BBS9: variants seen among roughly 807,000 people sequenced by gnomAD.
BBS9 encodes the protein protein PTHB1.
Under a neutral mutation model 117.7 loss-of-function variants are expected in BBS9, and 89 were observed. That is an observed-to-expected ratio of 0.76 (90% confidence interval 0.64 to 0.90). BBS9 has a LOEUF of 0.90. BBS9 is among the 40% of genes least tolerant of loss of function. The pLI is 0.00. For synonymous variants in BBS9, 379 were observed against 370.9 expected (o/e 1.02, Z -0.25); for missense variants, 982 against 1,042.2 (o/e 0.94, Z 0.80).
At chr7:33,193,909 A>G (rs1784551395) in intron 5 of BBS9, among the ~76,000 whole-genome samples, 1 of 152,134 alleles carries the variant, frequency 6.6e-6, no homozygotes, top group African/African-American at 2.4e-5. Flanking sequence ...GTATTTCATT[A>G]GAAGCTGTTT....
intron 21 of BBS9, among the ~76,000 whole-genome samples, chr7:33,602,397 G>C (rs920166174): frequency 1.3e-5 from 2 of 152,174 alleles, no homozygotes; most frequent in Admixed American, 1.3e-4. Context: ...CACTCTGGGT[G>C]TGCTGTTGGG....
chr7:33,389,831 T>C (rs1826743484), intron 19 of BBS9, among the ~76,000 whole-genome samples: 1 of 152,076 alleles, frequency 6.6e-6, no homozygotes, highest in Non-Finnish European at 1.5e-5. Context: ...GCTTATTAGA[T>C]GTATGGTTTT....
intron 19 of BBS9, among the ~76,000 whole-genome samples, chr7:33,438,712 G>C (rs531209609): frequency 6.6e-6 from 1 of 152,326 alleles, no homozygotes; most frequent in South Asian, 2.1e-4. Flanking sequence ...AGCACAATTA[G>C]ATACAGTATT....
At chr7:33,235,863 T>C (rs1793381412) in intron 5 of BBS9, among the ~76,000 whole-genome samples, 1 of 152,210 alleles carries the variant, frequency 6.6e-6, no homozygotes, top group African/African-American at 2.4e-5. Context: ...ATTTTTAAAA[T>C]TATGTAAACA....
At chr7:33,205,593 C>G (rs1164323091) in intron 5 of BBS9, among the ~76,000 whole-genome samples, 1 of 152,086 alleles carries the variant, frequency 6.6e-6, no homozygotes, top group East Asian at 1.9e-4. Context: ...ATCTGTAAAC[C>G]AGGTCTGTGT....
At chr7:33,514,953 A>G (rs140064890) in intron 20 of BBS9, among the ~76,000 whole-genome samples, 141 of 152,316 alleles carry the variant, frequency 9.3e-4, no homozygotes, top group Middle Eastern at 6.8e-3. Context: ...CACTCTATAT[A>G]TACATCTTAA....
At chr7:33,308,919 A>G (rs1808599070) in intron 9 of BBS9, among the ~76,000 whole-genome samples, 1 of 152,210 alleles carries the variant, frequency 6.6e-6, no homozygotes, top group South Asian at 2.1e-4. Context: ...AACAAATATT[A>G]TATCAATTGG....
chr7:33,463,394 TCA>T (rs1448412686), intron 19 of BBS9, among the ~76,000 whole-genome samples: 1 of 152,108 alleles, frequency 6.6e-6, no homozygotes, highest in East Asian at 1.9e-4. Context: ...AGATCCAGTT[TCA>T]GTTAGGAAAC....
At chr7:33,560,388 A>C (rs1431321008) in intron 21 of BBS9, among the ~76,000 whole-genome samples, 4 of 152,136 alleles carry the variant, frequency 2.6e-5, no homozygotes, top group African/African-American at 9.7e-5. Context: ...AAATGAAGAC[A>C]TTTTTTCCAA....
intron 19 of BBS9, among the ~76,000 whole-genome samples, chr7:33,462,074 T>C (rs898707823): frequency 5.3e-5 from 8 of 152,054 alleles, no homozygotes; most frequent in Non-Finnish European, 8.8e-5. Flanking sequence ...TTTTGTAGGG[T>C]AGGAACACTA....
chr7:33,343,947 T>C (rs1320999502), intron 11 of BBS9, among the ~76,000 whole-genome samples: 1 of 152,150 alleles, frequency 6.6e-6, no homozygotes, highest in Non-Finnish European at 1.5e-5. Context: ...TTCTGGGACA[T>C]ACAGGGAGGT....
intron 4 of BBS9, among the ~76,000 whole-genome samples, chr7:33,158,933 G>GAAAAAGGAAAGTGACAGACAT (rs1794458012): frequency 6.6e-6 from 1 of 152,124 alleles, no homozygotes; most frequent in African/African-American, 2.4e-5. Flanking sequence ...GTGACAGACA[G>GAAAAAGGAAAGTGACAGACAT]AAAAAGGAAA....
At chr7:33,506,123 A>G (rs545339932) in intron 20 of BBS9, among the ~76,000 whole-genome samples, 4 of 152,356 alleles carry the variant, frequency 2.6e-5, no homozygotes, top group East Asian at 3.9e-4. Flanking sequence ...TGTGTAGTTT[A>G]TAAACTCTTT....
At chr7:33,624,620 C>G (rs761782089) in intron 21 of BBS9, among the ~76,000 whole-genome samples, 6 of 152,180 alleles carry the variant, frequency 3.9e-5, no homozygotes, top group African/African-American at 7.2e-5. Flanking sequence ...GGTCTTAACC[C>G]TGTATCAGCT....
At chr7:33,282,773 A>G (rs2128376173) in intron 9 of BBS9, among the ~76,000 whole-genome samples, 1 of 152,338 alleles carries the variant, frequency 6.6e-6, no homozygotes, top group African/African-American at 2.4e-5. Flanking sequence ...TATTCACAAC[A>G]TTATATTTTA....
At chr7:33,424,213 A>G (rs1833298759) in intron 19 of BBS9, among the ~76,000 whole-genome samples, 1 of 152,238 alleles carries the variant, frequency 6.6e-6, no homozygotes, top group Admixed American at 6.5e-5. Context: ...GGAAGAATAT[A>G]GGAAAACTTG....
At position 33,383,712 on chromosome 7, in the gene BBS9, A is replaced by G. The variant is rs752845007; in HGVS notation, c.1836A>G (p.Ile612Met). 33 of 1,611,154 alleles carry G rather than the reference A, an allele frequency of 2.0e-5. No individual in the cohort carries two copies. In the Middle Eastern group the frequency reaches 6.8e-4, roughly 33 times the overall value. The change falls in exon 18 of 23, where the codon ATA becomes ATG. Residue 612 changes from isoleucine (I) to methionine (M), a missense_variant. Coordinates refer to ENST00000242067, the MANE Select transcript of BBS9 (RefSeq NM_198428.3). ...AACAATTTGAAGATCTTTGGCTCAT[A>G]ACCAATGAGCTTATTCTTCGCCTTC... is the stretch of plus-strand genomic sequence containing the variant. ...QSEQFEDLWL[I>M]TNELILRLQE...
intron 1 of BBS9, among the ~76,000 whole-genome samples, chr7:33,133,189 AAATG>A (rs1410818619): frequency 6.6e-6 from 1 of 152,240 alleles, no homozygotes; most frequent in Non-Finnish European, 1.5e-5. Context: ...AAGAATAACA[AAATG>A]AACCCCCATG....
intron 21 of BBS9, among the ~76,000 whole-genome samples, chr7:33,582,078 C>CT (rs1284239990): frequency 6.6e-6 from 1 of 151,776 alleles, no homozygotes; most frequent in East Asian, 1.9e-4. Context: ...CATGACTTGT[C>CT]TTTTTTCTGC....
Sources: allele counts gnomAD v4.1 joint callset (sites outside exome capture counted in the v4.1 genomes callset), GRCh38; gene constraint gnomAD v4.1.1; transcripts MANE v1.5; gene names NCBI Gene and HGNC (gene_info 2026-07-23, HGNC 2026-07-21).